The following STK3 variants were observed in gnomAD, a reference collection of about 807,000 sequenced individuals.
STK3 encodes serine/threonine-protein kinase 3.
Under a neutral mutation model 58.0 loss-of-function variants are expected in STK3, and 41 were observed. The observed-to-expected ratio is 0.71, with a 90% CI of 0.55 to 0.92. The LOEUF is 0.92. Ranked by LOEUF, STK3 falls within the 40% of genes least tolerant of loss-of-function variation. The pLI, the probability that STK3 is intolerant of heterozygous loss-of-function variation, is 0.00. For missense variants in STK3, 479 were observed against 602.7 expected (o/e 0.79, Z 2.15); for synonymous variants, 170 against 191.0 (o/e 0.89, Z 0.91).
chr8:98,851,347 G>A (rs749894700), intron 3 of STK3, among the ~76,000 whole-genome samples: 4 of 152,162 alleles, frequency 2.6e-5, no homozygotes, highest in African/African-American at 4.8e-5. Context: ...TCGAGCCCAC[G>A]CTAGTATAGA....
chr8:98,702,062 A>G (rs999711069), intron 6 of STK3, among the ~76,000 whole-genome samples: 3 of 152,188 alleles, frequency 2.0e-5, no homozygotes, highest in Non-Finnish European at 4.4e-5. Flanking sequence ...ACTGTCTACC[A>G]CAGTGAAGAT....
chr8:98,872,569 A>T (rs1837415682), intron 3 of STK3, among the ~76,000 whole-genome samples: 1 of 152,084 alleles, frequency 6.6e-6, no homozygotes, highest in Non-Finnish European at 1.5e-5. Flanking sequence ...TAGTCTTGGG[A>T]GGGTGTATGT....
At chr8:98,694,703 T>G (rs1030505068) in intron 6 of STK3, among the ~76,000 whole-genome samples, 7 of 152,188 alleles carry the variant, frequency 4.6e-5, no homozygotes, top group East Asian at 3.8e-4. Context: ...TGGCTGCATA[T>G]CATTCCATGG....
At chr8:98,525,442 A>T (rs1825677375) in intron 10 of STK3, among the ~76,000 whole-genome samples, 1 of 152,032 alleles carries the variant, frequency 6.6e-6, no homozygotes. Context: ...AAAAAAAAAA[A>T]GATTTATTCC....
rs544193370 is a variant in STK3, at chr8:98,800,512, C to T, written c.26+25003G>A. On this transcript the variant is annotated intron_variant, in intron 1 of 10. Coordinates refer to ENST00000419617, the MANE Select transcript of STK3 (RefSeq NM_006281.4). The surrounding 1 kb of genome is among the most constrained non-coding windows in gnomAD (Gnocchi z 4.8). Reference sequence around the variant, plus strand: ...ACGCTTGAGGAGCCCTTCAGCCTGCCGCTGCACTGTGGGAGCCCCTCTCTG... The same window carrying T: ...ACGCTTGAGGAGCCCTTCAGCCTGCTGCTGCACTGTGGGAGCCCCTCTCTG... Among the ~76,000 whole-genome samples the T allele has an allele frequency of 4.6e-5, 7 of 152,364 alleles. No individual in the cohort carries two copies. Among genetic ancestry groups the T allele is most frequent in the East Asian group, 1.9e-4 (1 of 5,184 alleles).
intron 4 of STK3, among the ~76,000 whole-genome samples, chr8:98,716,225 G>A (rs1827001665): frequency 6.6e-6 from 1 of 152,028 alleles, no homozygotes; most frequent in Non-Finnish European, 1.5e-5. Context: ...CATGGCACAT[G>A]TATACATATG....
At chr8:98,479,713 T>C (rs950293793) in intron 10 of STK3, among the ~76,000 whole-genome samples, 1 of 152,202 alleles carries the variant, frequency 6.6e-6, no homozygotes, top group East Asian at 1.9e-4. Context: ...ACTTGACATA[T>C]GAAGAATCTG....
chr8:98,923,038 G>A (rs1407303546), intron 1 of STK3, among the ~76,000 whole-genome samples: 1 of 152,158 alleles, frequency 6.6e-6, no homozygotes, highest in Non-Finnish European at 1.5e-5. Context: ...GAGCACTAGG[G>A]TATACACCAT....
chr8:98,635,152 T>C (rs928695120), intron 6 of STK3, among the ~76,000 whole-genome samples: 7 of 152,102 alleles, frequency 4.6e-5, no homozygotes, highest in East Asian at 1.9e-4. Flanking sequence ...GGCATATGTA[T>C]ATGGCCATTT....
chr8:98,697,820 T>A (rs545625191), intron 6 of STK3, among the ~76,000 whole-genome samples: 4 of 152,158 alleles, frequency 2.6e-5, no homozygotes, highest in African/African-American at 9.7e-5. Context: ...GGTGCGGTGC[T>A]GAAAAGAATG....
At chr8:98,366,790 C>G (rs757441034), downstream of STK3, among the ~76,000 whole-genome samples, 3 of 152,124 alleles carry the variant, frequency 2.0e-5, no homozygotes, top group Non-Finnish European at 4.4e-5. Context: ...CCATGTCCAA[C>G]ATCAGCCTCC....
intron 10 of STK3, among the ~76,000 whole-genome samples, chr8:98,497,862 A>G (rs559653639): frequency 6.6e-6 from 1 of 152,186 alleles, no homozygotes; most frequent in Non-Finnish European, 1.5e-5. Flanking sequence ...AAAATGGTGC[A>G]GTCACTTTGA....
chr8:98,752,116 C>A (rs1304189191), intron 3 of STK3, among the ~76,000 whole-genome samples: 1 of 151,932 alleles, frequency 6.6e-6, no homozygotes, highest in Non-Finnish European at 1.5e-5. Context: ...TCATATGGAA[C>A]CAAAAAAGAG....
At chr8:98,878,375 C>T (rs1176443760) in intron 3 of STK3, among the ~76,000 whole-genome samples, 1 of 152,082 alleles carries the variant, frequency 6.6e-6, no homozygotes, top group Non-Finnish European at 1.5e-5. Flanking sequence ...CAATTATTTG[C>T]CTTCTACTTT....
intron 6 of STK3, among the ~76,000 whole-genome samples, chr8:98,622,101 TAAA>T (rs35431395): frequency 7.7e-5 from 7 of 91,386 alleles, no homozygotes; most frequent in East Asian, 3.3e-4. Flanking sequence ...CTGTCTCTAC[TAAA>T]AAAAAAAAAA....
chr8:98,853,624 G>T (rs1428808317), intron 3 of STK3, among the ~76,000 whole-genome samples: 1 of 152,082 alleles, frequency 6.6e-6, no homozygotes, highest in Admixed American at 6.6e-5. Flanking sequence ...ATCCATCCAG[G>T]TCTTGCATCT....
Position 98,428,537 on chromosome 8 carries a change from C to G in STK3, n.483+5590G>C. ...ACAACCCCGGCTACTCAGTGCTGAGCAGGGTCTTCAGCATCCTGTCCATCC... is the reference window on the plus strand; with the variant it reads ...ACAACCCCGGCTACTCAGTGCTGAGGAGGGTCTTCAGCATCCTGTCCATCC... On this transcript the variant is annotated intron_variant and non_coding_transcript_variant, in intron 3 of 3. Coordinates refer to the STK3 transcript ENST00000517832. This position sits in a 1 kb window ranked among gnomAD's most constrained non-coding sequence, Gnocchi z 6.7. The G allele has an allele frequency of 6.2e-7, 1 of 1,614,172 alleles. No individual in the cohort carries two copies. The highest frequency in any genetic ancestry group is 8.5e-7 in the Non-Finnish European group (1 of 1,180,034).
chr8:98,427,640 C>T (rs1327982091), intron 3 of STK3: 5 of 193,544 alleles, frequency 2.6e-5, no homozygotes, highest in Admixed American at 1.1e-4. Flanking sequence ...GGGCGTCTCC[C>T]GGGCCTGCCC....
At position 98,847,767 on chromosome 8, in the gene STK3, A is replaced by T. The variant is rs200065394; in HGVS notation, c.110+35880T>A. Among the ~76,000 whole-genome samples the T allele has an allele frequency of 6.6e-5, 10 of 151,850 alleles. No individual in the cohort carries two copies. The East Asian group carries it at 1.5e-3, about 23-fold the overall frequency. ...CTTTTAAAAATATTTCTTCCTAATT[A>T]TGTGCTTACTTAACCCCAGCCAGTT... On this transcript the variant is annotated intron_variant, in intron 3 of 12. Coordinates refer to the STK3 transcript ENST00000523601.
Sources: allele counts gnomAD v4.1 joint callset (sites outside exome capture counted in the v4.1 genomes callset), GRCh38; gene constraint gnomAD v4.1.1; non-coding constraint Gnocchi (gnomAD v3.1); transcripts MANE v1.5; gene names NCBI Gene and HGNC (gene_info 2026-07-23, HGNC 2026-07-21).